LINGO2: variants seen among roughly 807,000 people sequenced by gnomAD.
LINGO2 encodes leucine-rich repeat and immunoglobulin-like domain-containing nogo receptor-interacting protein 2.
LINGO2 carries 14 observed loss-of-function variants against 30.6 expected under a neutral mutation model. That is an observed-to-expected ratio of 0.46 (90% CI 0.30 to 0.72). The LOEUF (loss-of-function observed/expected upper bound fraction) is 0.72. Ranked by LOEUF, LINGO2 falls within the 30% of genes least tolerant of loss-of-function variation. The pLI, the probability that LINGO2 is intolerant of heterozygous loss-of-function variation, is 0.07. For synonymous variants in LINGO2, 317 were observed against 288.5 expected (o/e 1.10, Z -1.00); for missense variants, 729 against 751.7 (o/e 0.97, Z 0.35).
rs150871235 is a variant in LINGO2 at position 28,320,658 on chromosome 9, T to C, written c.-245-25292A>G. Among the ~76,000 whole-genome samples, 50 of 152,248 alleles carry C rather than the reference T, an allele frequency of 3.3e-4. No individual in the cohort carries two copies. The South Asian group carries it at 9.1e-3, about 28-fold the overall frequency. ...TGGAGAAGACAGAGGCAGTACTATA[T>C]AGTACAGTTTAATGACGGGAGCCAG... On this transcript the variant is annotated intron_variant, in intron 3 of 5. Coordinates refer to ENST00000379992, the Ensembl canonical transcript of LINGO2.
chr9:28,609,058 C>T (rs1825805924), intron 1 of LINGO2, among the ~76,000 whole-genome samples: 1 of 151,618 alleles, frequency 6.6e-6, no homozygotes, highest in Non-Finnish European at 1.5e-5. Context: ...TGTCCATATA[C>T]CTAAAACATT....
intron 1 of LINGO2, among the ~76,000 whole-genome samples, chr9:28,599,584 C>A (rs985693499): frequency 1.3e-5 from 2 of 151,880 alleles, no homozygotes; most frequent in Admixed American, 1.3e-4. Flanking sequence ...TTTTCAGGAG[C>A]AAATCAGATT....
the LINGO2 span, among the ~76,000 whole-genome samples, chr9:28,988,367 T>A: frequency 3.9e-5 from 6 of 152,304 alleles, no homozygotes; most frequent in East Asian, 1.2e-3. Flanking sequence ...TCTTTTGCTT[T>A]CCATTTGCAT....
the LINGO2 span, among the ~76,000 whole-genome samples, chr9:29,077,079 G>A: frequency 2.4e-3 from 363 of 151,958 alleles, 4 homozygotes; most frequent in Middle Eastern, 0.027. Flanking sequence ...TAAGGAAATG[G>A]CAAACAAACC....
At chr9:28,368,277 T>C (rs1387111398) in intron 3 of LINGO2, among the ~76,000 whole-genome samples, 2 of 152,172 alleles carry the variant, frequency 1.3e-5, no homozygotes, top group African/African-American at 2.4e-5. Context: ...CTAAGGCTGA[T>C]TGGAATCTCT....
chr9:28,303,476 G>A (rs1049369334), intron 3 of LINGO2, among the ~76,000 whole-genome samples: 4 of 152,042 alleles, frequency 2.6e-5, no homozygotes, highest in African/African-American at 7.2e-5. Context: ...TGAACAACAT[G>A]TGGATTAGGA....
At chr9:28,627,440 C>G (rs1455533407) in intron 1 of LINGO2, among the ~76,000 whole-genome samples, 2 of 151,994 alleles carry the variant, frequency 1.3e-5, no homozygotes, top group East Asian at 3.9e-4. Context: ...CAAATTCTAC[C>G]TGACTTACCT....
chr9:27,972,070 T>C (rs1359443206), intron 5 of LINGO2, among the ~76,000 whole-genome samples: 2 of 151,990 alleles, frequency 1.3e-5, no homozygotes, highest in African/African-American at 4.8e-5. Context: ...GGTACTGCAA[T>C]GGAACCAAAG....
chr9:28,593,150 G>A (rs564676391), intron 1 of LINGO2, among the ~76,000 whole-genome samples: 12 of 152,092 alleles, frequency 7.9e-5, no homozygotes, highest in African/African-American at 2.4e-4. Flanking sequence ...CAGTTGATTC[G>A]AAGGCTATAT....
intron 5 of LINGO2, among the ~76,000 whole-genome samples, chr9:27,979,207 C>T (rs1820741493): frequency 1.3e-5 from 2 of 151,948 alleles, no homozygotes; most frequent in South Asian, 2.1e-4. Context: ...TGTGGGCTCA[C>T]AAGGAAGGAG....
chr9:28,650,581 A>C (rs925663566), intron 1 of LINGO2, among the ~76,000 whole-genome samples: 1 of 151,958 alleles, frequency 6.6e-6, no homozygotes, highest in Non-Finnish European at 1.5e-5. Flanking sequence ...TTCACCAAGA[A>C]ATTTGCAAAT....
At chr9:28,082,790 A>G (rs1825808653) in intron 4 of LINGO2, among the ~76,000 whole-genome samples, 1 of 152,024 alleles carries the variant, frequency 6.6e-6, no homozygotes, top group African/African-American at 2.4e-5. Flanking sequence ...TTTCTGACTC[A>G]TATGGTTTCC....
At chr9:28,086,383 A>C (rs903244000) in intron 4 of LINGO2, among the ~76,000 whole-genome samples, 1 of 152,122 alleles carries the variant, frequency 6.6e-6, no homozygotes, top group Non-Finnish European at 1.5e-5. Flanking sequence ...GCAAGTACAG[A>C]GATATAATCT....
intron 1 of LINGO2, among the ~76,000 whole-genome samples, chr9:28,561,788 A>G (rs1823098605): frequency 1.7e-5 from 2 of 115,316 alleles, no homozygotes; most frequent in Admixed American, 9.2e-5. Context: ...TATAAAAAAT[A>G]TGCTACTAGA....
At chr9:28,801,384 ATCCAGATTGGTAAACAATTT>A in the LINGO2 span, among the ~76,000 whole-genome samples, 11 of 152,214 alleles carry the variant, frequency 7.2e-5, no homozygotes, top group Non-Finnish European at 1.6e-4. Flanking sequence ...CCTAACCATG[ATCCAGATTGGTAAACAATTT>A]TTCAAGATGG....
intron 4 of LINGO2, among the ~76,000 whole-genome samples, chr9:28,106,541 C>T (rs1257452594): frequency 4.6e-5 from 7 of 152,130 alleles, no homozygotes; most frequent in Non-Finnish European, 7.4e-5. Flanking sequence ...ATTGAGGCTA[C>T]GTGGCTTTAG....
chr9:28,848,291 AT>A, the LINGO2 span, among the ~76,000 whole-genome samples: 29 of 73,088 alleles, frequency 4.0e-4, 2 homozygotes, highest in East Asian at 0.017. Flanking sequence ...CACTATGCAT[AT>A]ATATATACTA....
exon 6 of LINGO2, chr9:27,948,798 G>GTC: frequency 6.4e-7 from 1 of 1,553,046 alleles, no homozygotes; most frequent in African/African-American, 1.4e-5. Flanking sequence ...GTGCCATACT[G>GTC]TCTTACTGAT....
intron 3 of LINGO2, among the ~76,000 whole-genome samples, chr9:28,337,325 TAAAC>T (rs1246583951): frequency 2.0e-5 from 3 of 152,006 alleles, no homozygotes; most frequent in African/African-American, 7.2e-5. Flanking sequence ...AAAATACAAT[TAAAC>T]AAATCATTTT....
Sources: gnomAD v4.1 joint callset for allele counts (sites outside exome capture counted in the v4.1 genomes callset) on GRCh38, gnomAD v4.1.1 for gene constraint, MANE v1.5 for transcripts, NCBI Gene and HGNC (gene_info 2026-07-23, HGNC 2026-07-21) for gene names.